The following TSC22D1 variants were observed in gnomAD, a reference collection of about 807,000 sequenced individuals.
The protein encoded by TSC22D1 is TSC22 domain family protein 1.
TSC22D1 carries 9 observed loss-of-function variants against 74.2 expected under a neutral mutation model. The observed-to-expected ratio is 0.12, with a 90% CI of 0.07 to 0.21. The LOEUF (loss-of-function observed/expected upper bound fraction) is 0.21. Ranked by LOEUF, TSC22D1 falls within the 10% of genes least tolerant of loss-of-function variation. TSC22D1 has a pLI of 1.00. For missense variants in TSC22D1, 1,427 were observed against 1,304.7 expected (o/e 1.09, Z -1.44); for synonymous variants, 586 against 492.5 (o/e 1.19, Z -2.51).
chr13:44,506,429 C>T lies in TSC22D1; in HGVS notation c.2912+66734G>A, dbSNP rs111586350. Reference sequence around the variant, plus strand: ...TTCTCGCTTATAAGTGGGAGCTGAACGATGATGTCATATGAACACTTCAGG... The same window carrying T: ...TTCTCGCTTATAAGTGGGAGCTGAATGATGATGTCATATGAACACTTCAGG... On this transcript the variant is annotated intron_variant, in intron 1 of 2. Coordinates refer to ENST00000458659, the MANE Select transcript of TSC22D1 (RefSeq NM_183422.4). Among the ~76,000 whole-genome samples, 283 of 152,182 alleles carry T rather than the reference C, an allele frequency of 1.9e-3. 2 individuals carry two copies. Among genetic ancestry groups the T allele is most frequent in the African/African-American group, 6.3e-3 (261 of 41,524 alleles).
intron 1 of TSC22D1, among the ~76,000 whole-genome samples, chr13:44,532,043 C>T (rs537874151): frequency 6.6e-6 from 1 of 152,212 alleles, no homozygotes; most frequent in South Asian, 2.1e-4. Flanking sequence ...GTAAATACAA[C>T]CCGAAAAATA....
At position 44,565,111 on chromosome 13, in the gene TSC22D1, G is replaced by A. The variant is rs895639760; in HGVS notation, c.2912+8052C>T. Among the ~76,000 whole-genome samples, 8 of 152,102 alleles carry A rather than the reference G, an allele frequency of 5.3e-5. No homozygotes were observed. The East Asian group carries it at 5.8e-4, about 11-fold the overall frequency. ...GTTATGAAAGCAGATGACTTTACCCGTCTAAGGCTAAGAAGAGAAGTCTGG... is the reference window on the plus strand; with the variant it reads ...GTTATGAAAGCAGATGACTTTACCCATCTAAGGCTAAGAAGAGAAGTCTGG... On this transcript the variant is annotated intron_variant, in intron 1 of 2. Transcript: ENST00000458659.
intron 1 of TSC22D1, among the ~76,000 whole-genome samples, chr13:44,543,810 G>A (rs1040307052): frequency 3.3e-5 from 5 of 152,230 alleles, no homozygotes; most frequent in South Asian, 2.1e-4. Context: ...TATAACTTTC[G>A]GCCAGGCACC....
At chr13:44,573,037 A>C (rs1883878110) in intron 1 of TSC22D1, 126 bp downstream of exon 1, 4 of 1,379,156 alleles carry the variant, frequency 2.9e-6, no homozygotes, top group African/African-American at 2.9e-5. Flanking sequence ...CTTCCCATAA[A>C]AATGCATTTT....
At chr13:44,438,988 A>T (rs759630812) in intron 1 of TSC22D1, among the ~76,000 whole-genome samples, 25 of 152,340 alleles carry the variant, frequency 1.6e-4, no homozygotes, top group East Asian at 5.8e-4. Flanking sequence ...ATATAAAAAA[A>T]TTTTTAAATT....
In TSC22D1 at chr13:44,574,127, G is replaced by C. The variant is rs375153771; in HGVS notation, c.1948C>G (p.Gln650Glu). The C allele has an allele frequency of 1.5e-5, 24 of 1,614,140 alleles. No individual in the cohort carries two copies. In the Middle Eastern group the frequency reaches 6.6e-4, roughly 44 times the overall value. Residue 650 changes from glutamine (Q) to glutamate (E), a missense_variant, in exon 1 of 3, where the codon CAA (glutamine) becomes GAA (glutamate). This residue lies in a region of TSC22D1 where 1,343 missense variants were observed against 1,191.5 expected (regional missense o/e 1.13). Coordinates refer to ENST00000458659, the MANE Select transcript of TSC22D1 (RefSeq NM_183422.4). ...MAPGHVKSVT[Q>E]NPASEYVQQQ... ...TGTACATACTCTGAAGCAGGATTTT[G>C]AGTCACTGATTTGACATGGCCTGGG... is the stretch of plus-strand genomic sequence containing the variant.
intron 1 of TSC22D1, among the ~76,000 whole-genome samples, chr13:44,495,150 T>C (rs1288945245): frequency 6.6e-6 from 1 of 150,482 alleles, no homozygotes; most frequent in Admixed American, 6.6e-5. Flanking sequence ...ATAATGAGAG[T>C]TCCAGAAGGA....
intron 1 of TSC22D1, among the ~76,000 whole-genome samples, chr13:44,508,261 C>T (rs1356392805): frequency 6.6e-6 from 1 of 152,108 alleles, no homozygotes; most frequent in African/African-American, 2.4e-5. Context: ...CAGGGATGTT[C>T]AAAGACAGCT....
At chr13:44,488,293 G>A (rs1405347383) in intron 1 of TSC22D1, among the ~76,000 whole-genome samples, 1 of 152,086 alleles carries the variant, frequency 6.6e-6, no homozygotes, top group Non-Finnish European at 1.5e-5. Context: ...ACTGAGATGT[G>A]CTGTAAGTGC....
At chr13:44,441,981 C>A (rs1875239889) in intron 1 of TSC22D1, among the ~76,000 whole-genome samples, 1 of 151,938 alleles carries the variant, frequency 6.6e-6, no homozygotes, top group Admixed American at 6.6e-5. Context: ...TTACCACCCA[C>A]CAGCCTAAAT....
chr13:44,516,220 G>A (rs1185481401), intron 1 of TSC22D1: 1 of 286,420 alleles, frequency 3.5e-6, no homozygotes, highest in Non-Finnish European at 6.7e-6. Flanking sequence ...AAGTTCTCTT[G>A]TTGAACATCA....
intron 1 of TSC22D1, among the ~76,000 whole-genome samples, chr13:44,491,292 G>A (rs192251583): frequency 9.8e-5 from 15 of 152,288 alleles, no homozygotes; most frequent in African/African-American, 3.4e-4. Flanking sequence ...AGTGGCTCAC[G>A]CCTGTAATCC....
chr13:44,466,532 G>C (rs897735178), intron 1 of TSC22D1, among the ~76,000 whole-genome samples: 6 of 152,130 alleles, frequency 3.9e-5, no homozygotes, highest in African/African-American at 1.4e-4. Context: ...CCTTTGGGAG[G>C]CCATGGCAGG....
At chr13:44,551,368 A>C (rs1882238849) in intron 1 of TSC22D1, among the ~76,000 whole-genome samples, 2 of 145,078 alleles carry the variant, frequency 1.4e-5, no homozygotes, top group South Asian at 2.2e-4. Context: ...TAAAACAAAA[A>C]CCCAAAACCC....
At chr13:44,445,572 A>T (rs1875568952) in intron 1 of TSC22D1, among the ~76,000 whole-genome samples, 1 of 152,182 alleles carries the variant, frequency 6.6e-6, no homozygotes, top group African/African-American at 2.4e-5. Context: ...AGATAATGTT[A>T]CAAGAATGAA....
intron 1 of TSC22D1, among the ~76,000 whole-genome samples, chr13:44,524,937 A>G (rs1880479702): frequency 6.6e-6 from 1 of 152,226 alleles, no homozygotes; most frequent in Non-Finnish European, 1.5e-5. Flanking sequence ...GAAAAAAGGA[A>G]AAAGTAACCA....
chr13:44,525,659 CTA>C (rs1880512156), intron 1 of TSC22D1, among the ~76,000 whole-genome samples: 1 of 152,048 alleles, frequency 6.6e-6, no homozygotes, highest in African/African-American at 2.4e-5. Context: ...ATCAAGGACA[CTA>C]TAGGAAATTC....
intron 1 of TSC22D1, among the ~76,000 whole-genome samples, chr13:44,529,060 G>T (rs534047909): frequency 2.0e-5 from 3 of 152,126 alleles, no homozygotes; most frequent in South Asian, 2.1e-4. Context: ...TTAGAAAGCA[G>T]AAACAGTAAA....
intron 1 of TSC22D1, among the ~76,000 whole-genome samples, chr13:44,504,601 CAAAA>C (rs10577341): frequency 2.1e-4 from 20 of 97,542 alleles, no homozygotes; most frequent in African/African-American, 5.6e-4. Context: ...GAGACTGTCT[CAAAA>C]AAAAAAAAAA....
Sources: gnomAD v4.1 joint callset for allele counts (sites outside exome capture counted in the v4.1 genomes callset) on GRCh38, gnomAD v4.1.1 for gene constraint, gnomAD v4.1.1 regional missense constraint, MANE v1.5 for transcripts, NCBI Gene and HGNC (gene_info 2026-07-23, HGNC 2026-07-21) for gene names.